The following VPS54 variants were observed in gnomAD, a reference collection of about 807,000 sequenced individuals.
VPS54 encodes the protein VPS54 subunit of GARP complex, also known as vacuolar protein sorting-associated protein 54.
In VPS54, 45 loss-of-function variants were observed where a neutral mutation model predicts 121.5. The ratio of observed to expected loss-of-function variants is 0.37; its 90% CI spans 0.29 to 0.47. The LOEUF is 0.47. Among genes scored for constraint, VPS54 ranks in the 20% least tolerant of loss-of-function variants. The pLI, the probability that VPS54 is intolerant of heterozygous loss-of-function variation, is 0.99. For missense variants in VPS54, 1,090 were observed against 1,131.4 expected (o/e 0.96, Z 0.52); for synonymous variants, 371 against 385.8 (o/e 0.96, Z 0.45).
At chr2:63,979,185 T>C (rs1453773163) in intron 3 of VPS54, among the ~76,000 whole-genome samples, 1 of 152,022 alleles carries the variant, frequency 6.6e-6, no homozygotes, top group Non-Finnish European at 1.5e-5. Flanking sequence ...TTCACTAATT[T>C]TCTCTGTTGT....
chr2:63,981,504 A>G, intron 3 of VPS54, 142 bp downstream of exon 3: 2 of 919,260 alleles, frequency 2.2e-6, no homozygotes, highest in Non-Finnish European at 3.1e-6. Context: ...ATTAAATGCA[A>G]CCCAGGACAG....
At chr2:63,899,299 CTTAGAAA>C (rs966564016) in intron 21 of VPS54, among the ~76,000 whole-genome samples, 168 bp downstream of exon 21, 8 of 152,090 alleles carry the variant, frequency 5.3e-5, no homozygotes, top group South Asian at 2.1e-4. Context: ...GCAAGGAGCA[CTTAGAAA>C]TTAGAAATTT....
At chr2:64,014,064 C>A (rs1678571498) in intron 1 of VPS54, among the ~76,000 whole-genome samples, 1 of 148,310 alleles carries the variant, frequency 6.7e-6, no homozygotes, top group African/African-American at 2.4e-5. Context: ...AGTGACACGC[C>A]AGAAAGATGA....
intron 3 of VPS54, among the ~76,000 whole-genome samples, chr2:63,976,368 A>AC (rs1302048091): frequency 1.3e-5 from 2 of 151,134 alleles, no homozygotes; most frequent in African/African-American, 4.9e-5. Context: ...AAAAAAACAA[A>AC]AAACAAAAAA....
At chr2:63,970,703 T>C (rs1289213889) in intron 4 of VPS54, among the ~76,000 whole-genome samples, 2 of 152,154 alleles carry the variant, frequency 1.3e-5, no homozygotes, top group Non-Finnish European at 2.9e-5. Flanking sequence ...TAAGGTGCAA[T>C]TCTCTCTTGG....
chr2:63,897,671 G>C, intron 21 of VPS54, 81 bp from the exon 22 acceptor site: 1 of 891,990 alleles, frequency 1.1e-6, no homozygotes, highest in Non-Finnish European at 1.6e-6. Flanking sequence ...TTTAGAGAAA[G>C]TATTTTTAAA....
intron 1 of VPS54, among the ~76,000 whole-genome samples, chr2:63,996,741 A>T (rs757164626): frequency 3.3e-5 from 5 of 152,158 alleles, no homozygotes; most frequent in African/African-American, 1.2e-4. Context: ...ATGCAGTTGT[A>T]GATAGGGATG....
rs1362182773 is a variant in VPS54, at chr2:63,962,265, T to C, written c.803A>G (p.Glu268Gly). 10 of 1,614,070 alleles carry C rather than the reference T, an allele frequency of 6.2e-6. No individual in the cohort carries two copies. The highest frequency in any genetic ancestry group is 4.4e-5 in the South Asian group (4 of 91,080). Reference protein sequence around the residue: ...KIAQIDKVMCEGSLHILRLAL... With the variant: ...KIAQIDKVMCGGSLHILRLAL... Reference sequence around the variant, plus strand: ...CAGTCTTAAAATGTGGAGTGATCCTTCACACATTACTTTATCAATCTGTGC... The same window carrying C: ...CAGTCTTAAAATGTGGAGTGATCCTCCACACATTACTTTATCAATCTGTGC... The change falls in exon 7 of 23, where the codon GAA becomes GGA. Residue 268 changes from glutamate (E) to glycine (G), a missense_variant. Glu to Gly is a moderately conservative substitution (Grantham distance 98, BLOSUM62 -2). This residue lies in a region of VPS54 where 801 missense variants were observed against 757.0 expected (regional missense o/e 1.06). Transcript: ENST00000272322.
intron 12 of VPS54, among the ~76,000 whole-genome samples, chr2:63,923,973 C>T (rs1360810163): frequency 6.6e-6 from 1 of 152,200 alleles, no homozygotes; most frequent in African/African-American, 2.4e-5. Context: ...CAATTCATTG[C>T]CCCTTTGGGT....
intron 7 of VPS54, among the ~76,000 whole-genome samples, chr2:63,953,126 ATT>A (rs1194371865): frequency 1.1e-4 from 13 of 119,212 alleles, no homozygotes; most frequent in Non-Finnish European, 1.8e-4. Flanking sequence ...GAAATTTTTA[ATT>A]TTTTTTTTTT....
chr2:63,962,519 G>C (rs1355720435), intron 6 of VPS54, 76 bp from the exon 7 acceptor site: 5 of 1,452,502 alleles, frequency 3.4e-6, no homozygotes, highest in African/African-American at 1.4e-5. Context: ...TTATGACAAT[G>C]ATAAAAGATT....
chr2:63,995,490 T>G (rs544214908), intron 1 of VPS54, among the ~76,000 whole-genome samples: 1 of 152,262 alleles, frequency 6.6e-6, no homozygotes, highest in African/African-American at 2.4e-5. Context: ...TGTTTTCACT[T>G]TAATTGCTGT....
intron 1 of VPS54, among the ~76,000 whole-genome samples, chr2:64,011,296 G>A (rs191537018): frequency 1.6e-4 from 25 of 152,264 alleles, no homozygotes; most frequent in African/African-American, 4.1e-4. Context: ...GGCCGGGCAC[G>A]GTGGCTCATG....
chr2:63,980,593 T>C lies in VPS54; in HGVS notation c.378+1053A>G, dbSNP rs181814374. Among the ~76,000 whole-genome samples, 68 of 152,288 alleles carry C rather than the reference T, an allele frequency of 4.5e-4. No individual in the cohort carries two copies. The Middle Eastern group carries it at 0.014, about 31-fold the overall frequency. ...GCTGTAATTCTTTGTTTTGCTATTT[T>C]AGTGGTTGCTTTAGGGTTTATTGTT... On this transcript the variant is annotated intron_variant, in intron 3 of 22. Transcript: ENST00000272322.
At chr2:63,941,843 G>A (rs1220238759) in intron 11 of VPS54, among the ~76,000 whole-genome samples, 1 of 151,952 alleles carries the variant, frequency 6.6e-6, no homozygotes, top group Non-Finnish European at 1.5e-5. Context: ...AGACCAGCCT[G>A]GCCAACATGG....
chr2:63,903,443 G>C (rs1672772920), intron 20 of VPS54, among the ~76,000 whole-genome samples: 1 of 152,114 alleles, frequency 6.6e-6, no homozygotes, highest in African/African-American at 2.4e-5. Context: ...TCCAAGCAAA[G>C]TAATGAAGAA....
intron 10 of VPS54, among the ~76,000 whole-genome samples, chr2:63,943,769 G>T (rs1674849427): frequency 7.4e-6 from 1 of 135,008 alleles, no homozygotes; most frequent in Non-Finnish European, 1.5e-5. Flanking sequence ...TCCTTGTGCA[G>T]GCTGGAATGC....
At chr2:63,955,790 G>A (rs1406074866) in intron 7 of VPS54, among the ~76,000 whole-genome samples, 1 of 151,842 alleles carries the variant, frequency 6.6e-6, no homozygotes, top group African/African-American at 2.4e-5. Context: ...ATCTATTCTT[G>A]TATATTCTTG....
chr2:63,993,493 G>A (rs56155077), intron 1 of VPS54, among the ~76,000 whole-genome samples: 11,071 of 152,124 alleles, frequency 0.073, 845 homozygotes, highest in African/African-American at 0.2. Flanking sequence ...ATGATTTAGC[G>A]GAGTGGTGTT....
Sources: gnomAD v4.1 joint callset for allele counts (sites outside exome capture counted in the v4.1 genomes callset) on GRCh38, gnomAD v4.1.1 for gene constraint, gnomAD v4.1.1 regional missense constraint, MANE v1.5 for transcripts, NCBI Gene and HGNC (gene_info 2026-07-23, HGNC 2026-07-21) for gene names.